The following SNX18 variants were observed in gnomAD, a reference collection of about 807,000 sequenced individuals.
SNX18 encodes the protein sorting nexin 18.
A neutral mutation model predicts 48.7 loss-of-function variants in SNX18; 35 were observed. The observed-to-expected ratio is 0.72, with a 90% confidence interval of 0.55 to 0.95. SNX18 has a LOEUF of 0.95. Ranked by LOEUF, SNX18 falls within the 40% of genes least tolerant of loss-of-function variation. The pLI is 0.00. For synonymous variants in SNX18, 492 were observed against 384.7 expected, an observed-to-expected ratio of 1.28 and a Z score of -3.26; for missense variants, 824 against 871.0, an observed-to-expected ratio of 0.95 and a Z score of 0.68.
the SNX18 span, among the ~76,000 whole-genome samples, chr5:54,620,757 G>A: frequency 6.6e-6 from 1 of 152,208 alleles, no homozygotes; most frequent in Non-Finnish European, 1.5e-5. Context: ...CTGGAAGCTG[G>A]AAGTCCAAGA....
At chr5:54,585,260 C>A in the SNX18 span, among the ~76,000 whole-genome samples, 5 of 151,042 alleles carry the variant, frequency 3.3e-5, no homozygotes, top group African/African-American at 9.7e-5. Flanking sequence ...CTCCTGCACT[C>A]CAGCCTGGGT....
At chr5:54,616,755 CA>C in the SNX18 span, among the ~76,000 whole-genome samples, 2 of 150,948 alleles carry the variant, frequency 1.3e-5, no homozygotes, top group African/African-American at 4.9e-5. Context: ...GATGACAGAG[CA>C]AGACTCCATC....
chr5:54,574,039 C>A, the SNX18 span, among the ~76,000 whole-genome samples: 1 of 152,182 alleles, frequency 6.6e-6, no homozygotes, highest in African/African-American at 2.4e-5. Context: ...CATGAATCTA[C>A]AATGTAGGCA....
chr5:54,640,210 CTT>C, the SNX18 span, among the ~76,000 whole-genome samples: 2 of 146,248 alleles, frequency 1.4e-5, no homozygotes, highest in African/African-American at 5.0e-5. Flanking sequence ...GAAATAGATT[CTT>C]TTTTTTTTTT....
chr5:54,605,664 A>G, the SNX18 span, among the ~76,000 whole-genome samples: 1 of 152,064 alleles, frequency 6.6e-6, no homozygotes, highest in African/African-American at 2.4e-5. Flanking sequence ...TTTGAAACTT[A>G]TTTATTTATT....
At chr5:54,622,927 T>C in the SNX18 span, among the ~76,000 whole-genome samples, 11 of 152,244 alleles carry the variant, frequency 7.2e-5, no homozygotes, top group Non-Finnish European at 1.6e-4. Flanking sequence ...AAGTTAGAAA[T>C]GTTTGAAGCA....
At chr5:54,646,434 T>A in the SNX18 span, among the ~76,000 whole-genome samples, 1 of 152,248 alleles carries the variant, frequency 6.6e-6, no homozygotes, top group East Asian at 1.9e-4. Flanking sequence ...CTCTAGCCAG[T>A]GCCTGGATCC....
At chr5:54,582,006 T>C in the SNX18 span, among the ~76,000 whole-genome samples, 4 of 152,154 alleles carry the variant, frequency 2.6e-5, no homozygotes, top group South Asian at 2.1e-4. Context: ...TCATCTGGAA[T>C]ATGAGTGCCA....
the SNX18 span, among the ~76,000 whole-genome samples, chr5:54,589,444 T>A: frequency 6.6e-6 from 1 of 152,124 alleles, no homozygotes; most frequent in Non-Finnish European, 1.5e-5. Context: ...AGGGAAAAAA[T>A]TCCATTCCCC....
the SNX18 span, among the ~76,000 whole-genome samples, chr5:54,564,338 CAAA>C: frequency 6.6e-6 from 1 of 151,920 alleles, no homozygotes; most frequent in Non-Finnish European, 1.5e-5. Context: ...AATATTTCTC[CAAA>C]TAAATACAGC....
At chr5:54,575,616 G>A in the SNX18 span, among the ~76,000 whole-genome samples, 30 of 151,884 alleles carry the variant, frequency 2.0e-4, no homozygotes, top group African/African-American at 7.2e-4. Flanking sequence ...TGCCCGCCTC[G>A]GCCTCCCAAA....
the SNX18 span, among the ~76,000 whole-genome samples, chr5:54,578,076 A>G: frequency 6.6e-6 from 1 of 152,188 alleles, no homozygotes; most frequent in African/African-American, 2.4e-5. Context: ...GGCTTGTCCT[A>G]TAGCTGTGGA....
At chr5:54,540,342 A>G (rs1394795155) in intron 1 of SNX18, among the ~76,000 whole-genome samples, 1 of 151,968 alleles carries the variant, frequency 6.6e-6, no homozygotes, top group Non-Finnish European at 1.5e-5. Context: ...CAGCCTCCTG[A>G]GTAGCTGAGA....
chr5:54,647,557 T>C, the SNX18 span, among the ~76,000 whole-genome samples: 1 of 152,194 alleles, frequency 6.6e-6, no homozygotes, highest in African/African-American at 2.4e-5. Flanking sequence ...AAGTTGGTAG[T>C]GAATGGGGCA....
chr5:54,583,804 C>A, the SNX18 span, among the ~76,000 whole-genome samples: 4 of 152,158 alleles, frequency 2.6e-5, no homozygotes, highest in African/African-American at 9.7e-5. Context: ...CTTCCAGGGT[C>A]CAGCCTGGAT....
At chr5:54,608,409 A>G in the SNX18 span, among the ~76,000 whole-genome samples, 1 of 151,960 alleles carries the variant, frequency 6.6e-6, no homozygotes, top group Non-Finnish European at 1.5e-5. Context: ...AAGTTTTCTT[A>G]TTTAAAAATA....
the SNX18 span, among the ~76,000 whole-genome samples, chr5:54,638,844 C>T: frequency 1.3e-5 from 2 of 152,204 alleles, no homozygotes; most frequent in African/African-American, 4.8e-5. Flanking sequence ...GCCCTGGCCA[C>T]ACCCCTCCAG....
Position 54,518,261 on chromosome 5 carries a change from CT to C in SNX18, c.311del (p.Phe104SerfsTer122). The C allele has an allele frequency of 6.8e-7, 1 of 1,472,294 alleles. No homozygotes were observed. 91.2% of individuals were successfully genotyped at this position (1,472,294 alleles called of 1,614,324 possible). On this transcript the variant is annotated frameshift_variant, in exon 1 of 2. Coordinates refer to ENST00000381410, the MANE Select transcript of SNX18 (RefSeq NM_001102575.2). LOFTEE classifies it high-confidence loss of function. ...PASFKPPPDAFQALLQPQQAP... is the reference protein window; with the variant it reads ...PASFKPPPDAXQALLQPQQAP... ...CCTCCTTCAAGCCGCCGCCTGACGC[CT>C]TCCAGGCGCTGCTGCAGCCACAGCA...
chr5:54,563,766 T>C, the SNX18 span, among the ~76,000 whole-genome samples: 1 of 152,168 alleles, frequency 6.6e-6, no homozygotes, highest in Non-Finnish European at 1.5e-5. Flanking sequence ...CTCCATGATT[T>C]TGTATGGATC....
Sources: gnomAD v4.1 joint callset for allele counts (sites outside exome capture counted in the v4.1 genomes callset) on GRCh38, gnomAD v4.1.1 for gene constraint, MANE v1.5 for transcripts, NCBI Gene and HGNC (gene_info 2026-07-23, HGNC 2026-07-21) for gene names.